The following PDE1C variants were observed in gnomAD, a reference collection of about 807,000 sequenced individuals.
The protein encoded by PDE1C is dual specificity calcium/calmodulin-dependent 3',5'-cyclic nucleotide phosphodiesterase 1C.
In PDE1C, 62 loss-of-function variants were observed where a neutral mutation model predicts 93.1. That is an observed-to-expected ratio of 0.67 (90% CI 0.54 to 0.82). The LOEUF (loss-of-function observed/expected upper bound fraction) is 0.82, where lower values mean the gene tolerates loss of function less well. PDE1C is among the 40% of genes least tolerant of loss of function. The probability of loss-of-function intolerance (pLI) is 0.00; values close to 1 mark genes in which losing one functional copy is unlikely to be tolerated. For synonymous variants in PDE1C, 325 were observed against 310.1 expected (o/e 1.05, Z -0.50); for missense variants, 742 against 884.6 (o/e 0.84, Z 2.04).
chr7:31,837,733 C>G, intron 10 of PDE1C, 137 bp downstream of exon 10: 2 of 607,898 alleles, frequency 3.3e-6, no homozygotes, highest in Non-Finnish European at 5.8e-6. Context: ...TATGCTTTCT[C>G]CTTCAAACAT....
At chr7:32,053,661 T>C (rs546622967) in intron 1 of PDE1C, among the ~76,000 whole-genome samples, 4 of 152,308 alleles carry the variant, frequency 2.6e-5, no homozygotes, top group Non-Finnish European at 5.9e-5. Flanking sequence ...GCCCTTGCTA[T>C]TGGTTTCCAC....
chr7:32,334,866 G>A (rs1783585758), intron 1 of PDE1C, among the ~76,000 whole-genome samples: 1 of 152,050 alleles, frequency 6.6e-6, no homozygotes, highest in Non-Finnish European at 1.5e-5. Flanking sequence ...TGGGAGATAT[G>A]CATTTCTTTC....
chr7:32,341,221 G>GCCCGA, intron 1 of PDE1C, among the ~76,000 whole-genome samples: 1 of 113,150 alleles, frequency 8.8e-6, no homozygotes, highest in Non-Finnish European at 1.7e-5. Flanking sequence ...TGTCGCCCAG[G>GCCCGA]CTGGAGTGCA....
chr7:31,819,478 G>T (rs1788687973), intron 14 of PDE1C, among the ~76,000 whole-genome samples: 1 of 152,086 alleles, frequency 6.6e-6, no homozygotes. Flanking sequence ...CACTTTTCAG[G>T]TCTTAGATTT....
chr7:32,318,818 T>G (rs1783225438), intron 1 of PDE1C, among the ~76,000 whole-genome samples: 1 of 152,146 alleles, frequency 6.6e-6, no homozygotes, highest in South Asian at 2.1e-4. Flanking sequence ...GACCAAGACC[T>G]CTACGGGAAG....
rs954766982 is a variant in PDE1C at position 32,374,165 on chromosome 7, A to T, written c.310+53657T>A. 2.2e-3 allele frequency among the ~76,000 whole-genome samples: 3 copies of T among 1,372 alleles called. No individual in the cohort carries two copies. In the Non-Finnish European group the frequency reaches 0.056, roughly 25 times the overall value. The allele number at this position is 1,372 out of a possible 152,430, so 0.9% of individuals were successfully genotyped here. A position where few individuals can be genotyped will look rare whatever the true frequency, so the allele number is the denominator to read the frequency against. On this transcript the variant is annotated intron_variant, in intron 1 of 1. Coordinates refer to the PDE1C transcript ENST00000672256. ...GAAAGAATGAAAGAAAGAAAGAGAA[A>T]GAAAGAAAGAAAGAAAGAAAGAAAG...
At chr7:32,084,412 A>C (rs1796927278) in intron 3 of PDE1C, among the ~76,000 whole-genome samples, 1 of 148,984 alleles carries the variant, frequency 6.7e-6, no homozygotes, top group South Asian at 2.2e-4. Context: ...GGGAGACTTT[A>C]ACACCCCACT....
chr7:31,734,194 T>C, the PDE1C span, among the ~76,000 whole-genome samples: 12 of 152,104 alleles, frequency 7.9e-5, no homozygotes, highest in African/African-American at 2.9e-4. Flanking sequence ...ACACAGCCCC[T>C]GCCCTGGAAG....
At chr7:31,995,968 T>C (rs1041755448) in intron 2 of PDE1C, among the ~76,000 whole-genome samples, 1 of 151,826 alleles carries the variant, frequency 6.6e-6, no homozygotes, top group African/African-American at 2.4e-5. Flanking sequence ...AGCATAGGTT[T>C]CTTGGGCAGC....
chr7:31,860,059 G>A (rs1050548897), intron 7 of PDE1C, among the ~76,000 whole-genome samples: 2 of 152,278 alleles, frequency 1.3e-5, no homozygotes, highest in Admixed American at 1.3e-4. Context: ...GGAAGTGCTG[G>A]AGGATTGGTA....
chr7:32,014,044 C>A (rs767203131), intron 2 of PDE1C, among the ~76,000 whole-genome samples: 3 of 152,230 alleles, frequency 2.0e-5, no homozygotes, highest in Non-Finnish European at 4.4e-5. Context: ...AATGAGTTAT[C>A]CCTGTCCCAT....
At chr7:31,855,358 T>A (rs1044890958) in intron 7 of PDE1C, among the ~76,000 whole-genome samples, 1 of 152,070 alleles carries the variant, frequency 6.6e-6, no homozygotes, top group Non-Finnish European at 1.5e-5. Context: ...TTTGGCCATA[T>A]CTCCTTGACT....
At chr7:31,628,464 T>C in the PDE1C span, among the ~76,000 whole-genome samples, 1 of 151,724 alleles carries the variant, frequency 6.6e-6, no homozygotes, top group South Asian at 2.1e-4. Context: ...TTTTTTTCTT[T>C]TTTTTTCTTT....
At chr7:32,173,496 G>A (rs373060802) in intron 2 of PDE1C, among the ~76,000 whole-genome samples, 2 of 150,464 alleles carry the variant, frequency 1.3e-5, no homozygotes, top group African/African-American at 2.5e-5. Flanking sequence ...AATAAAAATA[G>A]AATAAAATAA....
intron 1 of PDE1C, among the ~76,000 whole-genome samples, chr7:32,266,459 C>G (rs1251759989): frequency 6.6e-6 from 1 of 151,966 alleles, no homozygotes; most frequent in Non-Finnish European, 1.5e-5. Context: ...CGAGATCACA[C>G]CACTGCACTC....
chr7:31,740,124 G>T, the PDE1C span, among the ~76,000 whole-genome samples: 2 of 152,114 alleles, frequency 1.3e-5, no homozygotes, highest in Non-Finnish European at 2.9e-5. Context: ...TGCACCTTTT[G>T]CTCTGAAGGG....
chr7:31,913,365 G>T (rs1202253410), intron 2 of PDE1C, among the ~76,000 whole-genome samples: 1 of 151,998 alleles, frequency 6.6e-6, no homozygotes, highest in African/African-American at 2.4e-5. Context: ...ATGCTTTACG[G>T]AGGTTATGTC....
At chr7:31,783,787 A>G (rs1392201289) in intron 16 of PDE1C, 1 of 152,124 alleles carries the variant, frequency 6.6e-6, no homozygotes, top group Admixed American at 6.6e-5. Context: ...CATCTTAGAG[A>G]ACAGAACACT....
intron 1 of PDE1C, among the ~76,000 whole-genome samples, chr7:32,328,374 A>T (rs2128076043): frequency 6.6e-6 from 1 of 152,318 alleles, no homozygotes; most frequent in East Asian, 1.9e-4. Context: ...GTAAGAGTAC[A>T]CTATTTCCCT....
Sources: allele counts gnomAD v4.1 joint callset (sites outside exome capture counted in the v4.1 genomes callset), GRCh38; gene constraint gnomAD v4.1.1; transcripts MANE v1.5; gene names NCBI Gene and HGNC (gene_info 2026-07-23, HGNC 2026-07-21).